The following EPHB1 variants were observed in gnomAD, a reference collection of about 807,000 sequenced individuals.
The protein encoded by EPHB1 is EPH receptor B1, also known as ephrin type-B receptor 1.
A neutral mutation model predicts 94.4 loss-of-function variants in EPHB1; 30 were observed. That is an observed-to-expected ratio of 0.32 (90% CI 0.24 to 0.43). The LOEUF (loss-of-function observed/expected upper bound fraction) is 0.43, where lower values mean the gene tolerates loss of function less well. EPHB1 is among the 20% of genes least tolerant of loss of function. The probability of loss-of-function intolerance (pLI) is 1.00; values close to 1 mark genes in which losing one functional copy is unlikely to be tolerated. For synonymous variants in EPHB1, 522 were observed against 489.1 expected (o/e 1.07, Z -0.89); for missense variants, 1,055 against 1,308.3 (o/e 0.81, Z 2.99).
chr3:135,255,093 T>C (rs1303429657), intron 15 of EPHB1, among the ~76,000 whole-genome samples: 1 of 152,174 alleles, frequency 6.6e-6, no homozygotes, highest in Non-Finnish European at 1.5e-5. Flanking sequence ...TGTGTCTATT[T>C]GATTCCTCTC....
At chr3:135,073,207 C>T (rs776823662) in intron 3 of EPHB1, among the ~76,000 whole-genome samples, 1 of 151,924 alleles carries the variant, frequency 6.6e-6, no homozygotes, top group Non-Finnish European at 1.5e-5. Context: ...ACAACATAGG[C>T]CCTGCTTTTA....
intron 15 of EPHB1, among the ~76,000 whole-genome samples, chr3:135,251,807 G>GA (rs1424831670): frequency 6.6e-6 from 1 of 152,222 alleles, no homozygotes; most frequent in African/African-American, 2.4e-5. Flanking sequence ...ACCAGGGTGT[G>GA]ATGTGCAGTG....
intron 5 of EPHB1, among the ~76,000 whole-genome samples, chr3:135,134,490 T>G (rs1229645530): frequency 6.6e-6 from 1 of 152,180 alleles, no homozygotes; most frequent in Non-Finnish European, 1.5e-5. Context: ...TGTGTGGGTG[T>G]GTGTGTGTGT....
At chr3:134,879,330 C>G (rs1298858439) in intron 1 of EPHB1, among the ~76,000 whole-genome samples, 1 of 152,060 alleles carries the variant, frequency 6.6e-6, no homozygotes, top group Non-Finnish European at 1.5e-5. Flanking sequence ...AAGCACAGAT[C>G]CTATCAATAA....
chr3:135,004,517 T>C (rs1216255539), intron 3 of EPHB1, among the ~76,000 whole-genome samples: 1 of 152,196 alleles, frequency 6.6e-6, no homozygotes, highest in African/African-American at 2.4e-5. Context: ...CCTTGCTAGA[T>C]TTGGGAAGTT....
At chr3:134,869,452 A>G (rs2037450671) in intron 1 of EPHB1, among the ~76,000 whole-genome samples, 1 of 152,086 alleles carries the variant, frequency 6.6e-6, no homozygotes, top group Admixed American at 6.5e-5. Context: ...AGTTTTTTTC[A>G]TGCTCTCCCA....
intron 2 of EPHB1, among the ~76,000 whole-genome samples, chr3:134,939,726 G>A (rs1437091244): frequency 1.3e-5 from 2 of 152,188 alleles, no homozygotes; most frequent in East Asian, 3.9e-4. Context: ...CTGCCCTGAA[G>A]AATCTTTGGC....
chr3:134,921,058 G>T (rs1282675066), intron 1 of EPHB1, among the ~76,000 whole-genome samples: 10 of 152,108 alleles, frequency 6.6e-5, no homozygotes, highest in Admixed American at 6.5e-4. Context: ...TCTATGCTAG[G>T]TTTCTTATGC....
chr3:135,110,202 T>G (rs964384969), intron 4 of EPHB1, among the ~76,000 whole-genome samples: 7 of 152,238 alleles, frequency 4.6e-5, no homozygotes, highest in Non-Finnish European at 7.3e-5. Context: ...TTTCTGTCAC[T>G]CACATGGAAG....
intron 2 of EPHB1, among the ~76,000 whole-genome samples, chr3:134,937,314 A>G (rs955760110): frequency 5.9e-5 from 9 of 152,194 alleles, no homozygotes; most frequent in Non-Finnish European, 1.5e-5. Flanking sequence ...TTCCCACCCA[A>G]TTGGGAGAAC....
chr3:134,908,398 T>A (rs951309073), intron 1 of EPHB1, among the ~76,000 whole-genome samples: 3 of 152,336 alleles, frequency 2.0e-5, no homozygotes, highest in Admixed American at 1.3e-4. Context: ...CCAGCCATGC[T>A]TCCAGAGGCC....
chr3:134,976,699 A>G (rs1934205204), intron 3 of EPHB1, among the ~76,000 whole-genome samples: 2 of 152,150 alleles, frequency 1.3e-5, no homozygotes, highest in South Asian at 2.1e-4. Context: ...ACAACCTTAT[A>G]TGCAAAACTG....
At chr3:135,085,744 G>T (rs1264376434) in intron 3 of EPHB1, among the ~76,000 whole-genome samples, 1 of 152,168 alleles carries the variant, frequency 6.6e-6, no homozygotes, top group Non-Finnish European at 1.5e-5. Flanking sequence ...TCTTTCCCAG[G>T]TGACTGGCAT....
chr3:135,129,295 CTTCCCA>C (rs1234394583), intron 4 of EPHB1, among the ~76,000 whole-genome samples: 7 of 152,108 alleles, frequency 4.6e-5, no homozygotes, highest in African/African-American at 1.7e-4. Flanking sequence ...AAGGGTGGGT[CTTCCCA>C]GCTGTCAGGG....
intron 1 of EPHB1, among the ~76,000 whole-genome samples, chr3:134,875,651 G>T (rs560001783): frequency 6.6e-5 from 10 of 152,320 alleles, no homozygotes; most frequent in Non-Finnish European, 1.2e-4. Flanking sequence ...TCTCAAGGTG[G>T]TGATGAGCTA....
chr3:135,060,240 G>T (rs1301174271), intron 3 of EPHB1, among the ~76,000 whole-genome samples: 1 of 152,106 alleles, frequency 6.6e-6, no homozygotes, highest in Non-Finnish European at 1.5e-5. Flanking sequence ...TTATGGATTT[G>T]CCTACTCTGG....
intron 5 of EPHB1, among the ~76,000 whole-genome samples, chr3:135,143,232 G>C (rs1255600007): frequency 6.6e-6 from 1 of 152,140 alleles, no homozygotes; most frequent in African/African-American, 2.4e-5. Flanking sequence ...AACTCCATGG[G>C]GCTGGTGATG....
chr3:134,818,850 G>A (rs57279729), intron 1 of EPHB1, among the ~76,000 whole-genome samples: 21,118 of 152,172 alleles, frequency 0.14, 3,713 homozygotes, highest in African/African-American at 0.41. Context: ...ACGTGCAAGT[G>A]TTTCTTTCAA....
chr3:134,829,020 C>T (rs1473940708), intron 1 of EPHB1, among the ~76,000 whole-genome samples: 1 of 152,198 alleles, frequency 6.6e-6, no homozygotes, highest in Non-Finnish European at 1.5e-5. Context: ...CTAACCAATT[C>T]CTGGGGCTCC....
Sources: gnomAD v4.1 joint callset for allele counts (sites outside exome capture counted in the v4.1 genomes callset) on GRCh38, gnomAD v4.1.1 for gene constraint, MANE v1.5 for transcripts, NCBI Gene and HGNC (gene_info 2026-07-23, HGNC 2026-07-21) for gene names.